Variants in NT5C2 observed in about 807,000 individuals in gnomAD.
NT5C2 encodes the protein 5'-nucleotidase, cytosolic II.
In NT5C2, 58 loss-of-function variants were observed where a neutral mutation model predicts 76.1. That is an observed-to-expected ratio of 0.76 (90% confidence interval 0.62 to 0.95). The LOEUF is 0.95. NT5C2 is among the 40% of genes least tolerant of loss of function. The pLI, the probability that NT5C2 is intolerant of heterozygous loss-of-function variation, is 0.00. For missense variants in NT5C2, 478 were observed against 690.3 expected, an observed-to-expected ratio of 0.69 and a Z score of 3.45; for synonymous variants, 229 against 237.4, an observed-to-expected ratio of 0.96 and a Z score of 0.32.
Position 103,095,969 on chromosome 10 carries a change from A to C in NT5C2, c.783T>G (p.Thr261=), listed in dbSNP as rs1283816033. Residue 261 remains threonine, a synonymous_variant, in exon 12 of 19, where the codon ACT becomes ACG. Transcript: ENST00000404739. The stretch of plus-strand genomic sequence containing the variant: ...GGCCATGTGGGAAGTCAAACAGGTA[A>C]GTCATAATTTTCTGGAAAAAAAAAT... ...SDYKYTDKIM[T]YLFDFPHGPK... The C allele has an allele frequency of 1.2e-6, 2 of 1,613,692 alleles. No homozygotes were observed. Among genetic ancestry groups the C allele is most frequent in the East Asian group, 4.5e-5 (2 of 44,848 alleles).
chr10:103,101,254 G>A lies in NT5C2; in HGVS notation c.462C>T (p.Asn154=). The A allele has an allele frequency of 6.2e-7, 1 of 1,601,246 alleles. No homozygotes were observed. The highest frequency in any genetic ancestry group is 8.6e-7 in the Non-Finnish European group (1 of 1,168,794). Reference sequence around the variant, plus strand: ...ATCTACCTGGTAGGTTGAATAGTGTGTTCAGAATGTAAAATCTTTCAGTAT... The same window carrying A: ...ATCTACCTGGTAGGTTGAATAGTGTATTCAGAATGTAAAATCTTTCAGTAT... ...RDDTERFYIL[N]TLFNLPETYL... is the part of the protein sequence containing the mutation. The change falls in exon 7 of 19, where the codon AAC becomes AAT. Residue 154 remains asparagine (N), a synonymous_variant. Coordinates refer to ENST00000404739, the MANE Select transcript of NT5C2 (RefSeq NM_001351169.2).
rs2067725335 is a variant in NT5C2 at position 103,094,666 on chromosome 10, A to C, written c.814-211T>G. The C allele has an allele frequency of 1.3e-5, 6 of 468,002 alleles. No individual in the cohort carries two copies. In the East Asian group the frequency reaches 1.5e-4, roughly 12 times the overall value. The allele number at this position is 468,002 out of a possible 1,614,324, so 29.0% of individuals were successfully genotyped here. On this transcript the variant is annotated intron_variant, in intron 12 of 18. Coordinates refer to ENST00000404739, the MANE Select transcript of NT5C2 (RefSeq NM_001351169.2). ...TGGGAGGCCGAGGCGGGCAGATCAC[A>C]AGGTCCGGAAATCAAGACCATCCTG...
In NT5C2 at chr10:103,089,414, T is replaced by C. The variant is rs559571968; in HGVS notation, c.*258A>G. The C allele has an allele frequency of 1.0e-5, 4 of 392,676 alleles. No individual in the cohort carries two copies. The South Asian group carries it at 2.1e-4, about 21-fold the overall frequency. 24.3% of individuals were successfully genotyped at this position (392,676 alleles called of 1,614,324 possible). A position where few individuals can be genotyped will look rare whatever the true frequency, so the allele number is the denominator to read the frequency against. ...TGTCACAAGCCACAGTGGAGCCATATACATGCAGTTCAGCCTGATTTTACC... is the reference window on the plus strand; with the variant it reads ...TGTCACAAGCCACAGTGGAGCCATACACATGCAGTTCAGCCTGATTTTACC... On this transcript the variant is annotated 3_prime_UTR_variant, in exon 19 of 19. Coordinates refer to ENST00000404739, the MANE Select transcript of NT5C2 (RefSeq NM_001351169.2).
At chr10:103,095,015 T>C (rs1278410793) in intron 12 of NT5C2, among the ~76,000 whole-genome samples, 1 of 151,174 alleles carries the variant, frequency 6.6e-6, no homozygotes, top group Non-Finnish European at 1.5e-5. Flanking sequence ...ATTACAATAC[T>C]TATTTTACAG....
intron 18 of NT5C2, 92 bp downstream of exon 18, chr10:103,090,519 T>G (rs948876463): frequency 1.7e-6 from 2 of 1,163,948 alleles, no homozygotes; most frequent in Admixed American, 2.5e-5. Flanking sequence ...CAGAAAGAAA[T>G]GTTCAAACTA....
At chr10:103,094,814 G>C (rs2067783984) in intron 12 of NT5C2, among the ~76,000 whole-genome samples, 1 of 151,348 alleles carries the variant, frequency 6.6e-6, no homozygotes, top group South Asian at 2.1e-4. Context: ...CCTAGGAGGG[G>C]GAGGTTGCAG....
intron 4 of NT5C2, among the ~76,000 whole-genome samples, chr10:103,122,091 T>C (rs1017567902): frequency 1.3e-5 from 2 of 152,140 alleles, no homozygotes; most frequent in Admixed American, 1.3e-4. Context: ...CCAGAATCGC[T>C]TGAATCCGGG....
intron 2 of NT5C2, among the ~76,000 whole-genome samples, chr10:103,179,201 C>G (rs1388963834): frequency 2.6e-5 from 4 of 152,032 alleles, no homozygotes; most frequent in Non-Finnish European, 1.5e-5. Flanking sequence ...CCCACCTTGG[C>G]CTTCCAAAGT....
chr10:103,140,368 G>A lies in NT5C2; in HGVS notation c.102-889C>T, dbSNP rs182798526. 4.7e-3 allele frequency among the ~76,000 whole-genome samples: 720 copies of A among 152,104 alleles called. 12 individuals carry two copies. Among genetic ancestry groups the A allele is most frequent in the African/African-American group, 0.016 (675 of 41,480 alleles). On this transcript the variant is annotated intron_variant, in intron 3 of 18. Coordinates refer to ENST00000404739, the MANE Select transcript of NT5C2 (RefSeq NM_001351169.2). ...TACGTTCATCCATGGTGTTGCAAAC[G>A]GTAGAATCTCCTTTTTTAAGGCTGA...
chr10:103,142,468 C>T (rs1591406361), intron 3 of NT5C2, among the ~76,000 whole-genome samples: 1 of 151,768 alleles, frequency 6.6e-6, no homozygotes, highest in South Asian at 2.1e-4. Context: ...CACAGGAGTT[C>T]GAAACCAGCC....
At chr10:103,175,965 TGA>T (rs2134945995) in intron 2 of NT5C2, 1 of 162,980 alleles carries the variant, frequency 6.1e-6, no homozygotes, top group East Asian at 1.7e-4. Flanking sequence ...CTGCTACCCC[TGA>T]GAGCCAGGAG....
intron 4 of NT5C2, among the ~76,000 whole-genome samples, chr10:103,127,748 G>A (rs1436060551): frequency 6.6e-6 from 1 of 152,184 alleles, no homozygotes; most frequent in Non-Finnish European, 1.5e-5. Context: ...TAGAGAGACG[G>A]GGTTTCACTG....
intron 3 of NT5C2, among the ~76,000 whole-genome samples, chr10:103,173,843 C>T (rs575485642): frequency 3.3e-5 from 5 of 152,000 alleles, no homozygotes; most frequent in African/African-American, 1.2e-4. Context: ...CGCCTGTAAT[C>T]CTAGCACTCT....
At chr10:103,116,381 T>C (rs2074330079) in intron 4 of NT5C2, among the ~76,000 whole-genome samples, 1 of 152,190 alleles carries the variant, frequency 6.6e-6, no homozygotes, top group East Asian at 1.9e-4. Flanking sequence ...TTTCATAAAA[T>C]ATTTTAAATA....
chr10:103,192,012 C>T (rs1455920893), intron 1 of NT5C2, among the ~76,000 whole-genome samples: 7 of 151,214 alleles, frequency 4.6e-5, no homozygotes, highest in Non-Finnish European at 7.4e-5. Context: ...TTTCGAACTT[C>T]ACCCTTTCAG....
At chr10:103,175,073 G>A in intron 2 of NT5C2, 91 bp from the exon 3 acceptor site, 1 of 692,634 alleles carries the variant, frequency 1.4e-6, no homozygotes, top group South Asian at 1.7e-5. Flanking sequence ...ACTCCAGCTT[G>A]CAAACTGCCT....
chr10:103,099,964 G>A lies in NT5C2; in HGVS notation c.595C>T (p.Gln199Ter), dbSNP rs768651632. Residue 199 changes from glutamine to a stop codon, truncating the protein, a stop_gained, in exon 9 of 19, where the codon CAG becomes TAG. Coordinates refer to ENST00000404739, the MANE Select transcript of NT5C2 (RefSeq NM_001351169.2). LOFTEE classifies it high-confidence loss of function. ...CAGTCAACAGCATCTCTTACATCCTGGAACATACTCCGGTAGGACATGAAG... is the reference window on the plus strand; with the variant it reads ...CAGTCAACAGCATCTCTTACATCCTAGAACATACTCCGGTAGGACATGAAG... ...DLFMSYRSMF[Q>*]DVRDAVDWVH... 6 of 1,612,724 alleles carry A rather than the reference G, an allele frequency of 3.7e-6. No individual in the cohort carries two copies. The highest frequency in any genetic ancestry group is 5.1e-6 in the Non-Finnish European group (6 of 1,179,066).
At chr10:103,137,311 G>A (rs893206709) in intron 4 of NT5C2, among the ~76,000 whole-genome samples, 1 of 152,140 alleles carries the variant, frequency 6.6e-6, no homozygotes, top group African/African-American at 2.4e-5. Flanking sequence ...AAGTGTCTGT[G>A]ACCAATTAGA....
chr10:103,129,464 G>T (rs1229901737), intron 4 of NT5C2, among the ~76,000 whole-genome samples: 3 of 111,830 alleles, frequency 2.7e-5, no homozygotes, highest in African/African-American at 6.8e-5. Flanking sequence ...CACCCCGTCC[G>T]GGAGGGAGAT....
Sources: allele counts gnomAD v4.1 joint callset (sites outside exome capture counted in the v4.1 genomes callset), GRCh38; gene constraint gnomAD v4.1.1; transcripts MANE v1.5; gene names NCBI Gene and HGNC (gene_info 2026-07-23, HGNC 2026-07-21).